AKT1S1: variants seen among roughly 807,000 people sequenced by gnomAD.
AKT1S1 encodes AKT1 substrate 1, also known as proline-rich AKT1 substrate 1.
Under a neutral mutation model 21.2 loss-of-function variants are expected in AKT1S1, and 17 were observed. That is an observed-to-expected ratio of 0.80 (90% confidence interval 0.55 to 1.20). The LOEUF (loss-of-function observed/expected upper bound fraction) is 1.20, where lower values mean the gene tolerates loss of function less well. Ranked by LOEUF, AKT1S1 falls within the 50% of genes most tolerant of loss-of-function variation. AKT1S1 has a pLI of 0.00. For synonymous variants in AKT1S1, 181 were observed against 165.6 expected, an observed-to-expected ratio of 1.09 and a Z score of -0.72; for missense variants, 366 against 368.3, an observed-to-expected ratio of 0.99 and a Z score of 0.05.
chr19:49,872,740 G>C (rs923879020), intron 2 of AKT1S1, among the ~76,000 whole-genome samples, 177 bp downstream of exon 2: 33 of 152,212 alleles, frequency 2.2e-4, no homozygotes, highest in African/African-American at 7.5e-4. Context: ...GCTCAGAGCA[G>C]GGAAGGGACT....
intron 4 of AKT1S1, 32 bp downstream of exon 4, chr19:49,871,515 G>GCCCTCCCTACCTC: frequency 6.2e-7 from 1 of 1,612,792 alleles, no homozygotes; most frequent in Non-Finnish European, 8.5e-7. Flanking sequence ...CCTTCCAGCT[G>GCCCTCCCTACCTC]CCCTCCCTAC....
chr19:49,874,721 TCCCCATTAA>T (rs1027757421), intron 1 of AKT1S1: 9 of 151,910 alleles, frequency 5.9e-5, no homozygotes, highest in African/African-American at 1.9e-4. Context: ...CTCATTTTCT[TCCCCATTAA>T]CCAGCGTGGT....
intron 4 of AKT1S1, among the ~76,000 whole-genome samples, chr19:49,870,321 C>T (rs1398733131): frequency 3.3e-5 from 5 of 152,230 alleles, no homozygotes; most frequent in African/African-American, 4.8e-5. Context: ...GACATTGCTT[C>T]CTACACAGTG....
chr19:49,877,926 C>A, upstream of AKT1S1: 2 of 775,596 alleles, frequency 2.6e-6, no homozygotes, highest in Non-Finnish European at 4.0e-6. Context: ...CATGGCCCCG[C>A]CCCCCCGGCT....
intron 1 of AKT1S1, chr19:49,876,793 T>G: frequency 2.8e-6 from 3 of 1,070,300 alleles, no homozygotes; most frequent in Non-Finnish European, 3.7e-6. Context: ...TGACGACAGC[T>G]TGCCCCTAAG....
chr19:49,876,082 C>A, intron 1 of AKT1S1: 2 of 986,188 alleles, frequency 2.0e-6, no homozygotes, highest in Non-Finnish European at 2.4e-6. Flanking sequence ...GTGGAACCAC[C>A]CCTCCTGTCG....
At position 49,869,848 on chromosome 19, in the gene AKT1S1, C is replaced by A; in HGVS notation, c.*69G>T. The A allele has an allele frequency of 7.3e-7, 1 of 1,362,838 alleles. No individual in the cohort carries two copies. The highest frequency in any genetic ancestry group is 1.7e-5 in the South Asian group (1 of 60,436). The allele number at this position is 1,362,838 out of a possible 1,614,324, so 84.4% of individuals were successfully genotyped here. On this transcript the variant is annotated 3_prime_UTR_variant, in exon 5 of 5. Coordinates refer to ENST00000344175, the MANE Select transcript of AKT1S1 (RefSeq NM_001098633.4). Reference sequence around the variant, plus strand: ...CCGGATCGGCCTCAGATTAGCAGGCCCCGGGAGTGGGGCGGGGGCGTAGTG... The same window carrying A: ...CCGGATCGGCCTCAGATTAGCAGGCACCGGGAGTGGGGCGGGGGCGTAGTG...
In AKT1S1 at chr19:49,869,814, A is replaced by C. The variant is rs2074861888; in HGVS notation, c.*103T>G. The stretch of plus-strand genomic sequence containing the variant: ...AATCTTGGGAATGGGAGACGCAAGG[A>C]GGCCGGTCCCGGATCGGCCTCAGAT... On this transcript the variant is annotated 3_prime_UTR_variant, in exon 5 of 5. Coordinates refer to ENST00000344175, the MANE Select transcript of AKT1S1 (RefSeq NM_001098633.4). 3.3e-6 allele frequency: 4 copies of C among 1,222,694 alleles called. No homozygotes were observed. The highest frequency in any genetic ancestry group is 4.3e-6 in the Non-Finnish European group (4 of 939,746). The allele number at this position is 1,222,694 out of a possible 1,614,324, so 75.7% of individuals were successfully genotyped here.
intron 4 of AKT1S1, among the ~76,000 whole-genome samples, 180 bp downstream of exon 4, chr19:49,871,367 G>A (rs1219128569): frequency 6.6e-6 from 1 of 152,214 alleles, no homozygotes; most frequent in Non-Finnish European, 1.5e-5. Context: ...TAGGACACAT[G>A]GTAAGGCTGC....
chr19:49,872,881 G>A (rs754378559), intron 2 of AKT1S1, 36 bp downstream of exon 2: 15 of 1,574,106 alleles, frequency 9.5e-6, no homozygotes, highest in African/African-American at 2.7e-5. Context: ...CACCTCAAGC[G>A]CTGGGCCGCA....
intron 1 of AKT1S1, chr19:49,876,486 C>A: frequency 7.9e-7 from 1 of 1,262,132 alleles, no homozygotes; most frequent in Non-Finnish European, 1.0e-6. Context: ...AGACCTCTGC[C>A]CTCTGATCTG....
chr19:49,871,782 G>A (rs371852538), intron 3 of AKT1S1, 30 bp downstream of exon 3: 3 of 1,611,360 alleles, frequency 1.9e-6, no homozygotes, highest in East Asian at 2.2e-5. Context: ...CTGCCCTCAG[G>A]TCGGGAGGGG....
chr19:49,871,129 C>G (rs576304163), intron 4 of AKT1S1, among the ~76,000 whole-genome samples: 15 of 152,152 alleles, frequency 9.9e-5, no homozygotes, highest in Non-Finnish European at 1.8e-4. Context: ...GAGCCCAGCC[C>G]AGGAGCTTCA....
Position 49,869,570 on chromosome 19 carries a change from G to A in AKT1S1, c.*347C>T, listed in dbSNP as rs142522815. The A allele has an allele frequency of 4.7e-6, 1 of 212,844 alleles. No individual in the cohort carries two copies. Among genetic ancestry groups the A allele is most frequent in the Non-Finnish European group, 9.3e-6 (1 of 107,542 alleles). 13.2% of individuals were successfully genotyped at this position (212,844 alleles called of 1,614,324 possible). ...AAGAGCTGTCCAGCGACTAGGGGAT[G>A]GAGCCAATGCCGTGCGAGCAAATCC... On this transcript the variant is annotated 3_prime_UTR_variant, in exon 5 of 5. Transcript: ENST00000344175.
Position 49,873,066 on chromosome 19 carries a change from G to C in AKT1S1, c.230C>G (p.Pro77Arg). Reference sequence around the variant, plus strand: ...CTGTGGTGCTGGTGGGGGCGCAGGAGGCCGAGCAGCAGTGGCAGCCCTGTG... The same window carrying C: ...CTGTGGTGCTGGTGGGGGCGCAGGACGCCGAGCAGCAGTGGCAGCCCTGTG... ...LAHRAATAAR[P>R]PAPPPAPQPP... Residue 77 changes from proline to arginine, a missense_variant, in exon 2 of 5, where the codon CCT (proline) becomes CGT (arginine). Coordinates refer to ENST00000344175, the MANE Select transcript of AKT1S1 (RefSeq NM_001098633.4). This position sits in a 1 kb window ranked among gnomAD's most constrained non-coding sequence, Gnocchi z 6.9. The C allele has an allele frequency of 6.4e-7, 1 of 1,554,884 alleles. No individual in the cohort carries two copies.
rs201260100 is a variant in AKT1S1, at chr19:49,872,900, T to C, written c.379+17A>G. 1.2e-4 allele frequency: 103 copies of C among 869,076 alleles called. No homozygotes were observed. The East Asian group carries it at 1.3e-3, about 11-fold the overall frequency. The allele number at this position is 869,076 out of a possible 1,614,324, so 53.8% of individuals were successfully genotyped here. On this transcript the variant is annotated intron_variant, in intron 2 of 4. Transcript: ENST00000344175. ...TCAAGCGCTGGGCCGCACCCGCCCC[T>C]GCCCCCACCCTCTCACCTCCATTAT...
In AKT1S1 at chr19:49,873,082, C is replaced by T; in HGVS notation, c.214G>A (p.Ala72Thr). The T allele has an allele frequency of 6.4e-7, 1 of 1,551,602 alleles. No individual in the cohort carries two copies. Among genetic ancestry groups the T allele is most frequent in the Non-Finnish European group, 8.7e-7 (1 of 1,150,268 alleles). The change falls in exon 2 of 5, where the codon GCC becomes ACC. Residue 72 changes from alanine to threonine, a missense_variant. By Grantham distance (58) the Ala-to-Thr change is moderately conservative. Transcript: ENST00000344175. The surrounding 1 kb of genome is among the most constrained non-coding windows in gnomAD (Gnocchi z 6.9). ...LHDIALAHRAATAARPPAPPP... is the reference protein window; with the variant it reads ...LHDIALAHRATTAARPPAPPP... ...GGCGCAGGAGGCCGAGCAGCAGTGG[C>T]AGCCCTGTGGGCCAGTGCGATGTCG...
rs981722289 is a variant in AKT1S1 at position 49,873,375 on chromosome 19, G to A, written c.-7-73C>T. On this transcript the variant is annotated intron_variant, in intron 1 of 4. Coordinates refer to ENST00000344175, the MANE Select transcript of AKT1S1 (RefSeq NM_001098633.4). This position sits in a 1 kb window ranked among gnomAD's most constrained non-coding sequence, Gnocchi z 6.9. The stretch of plus-strand genomic sequence containing the variant: ...TCATCGCCACCCACTCAGAGTGCCC[G>A]CCCGTCCCCTGGATGGCACTCACCA... 103 of 1,377,338 alleles carry A rather than the reference G, an allele frequency of 7.5e-5. No individual in the cohort carries two copies. Among genetic ancestry groups the A allele is most frequent in the Non-Finnish European group, 8.9e-5 (95 of 1,072,832 alleles). 85.3% of individuals were successfully genotyped at this position (1,377,338 alleles called of 1,614,324 possible). A position where few individuals can be genotyped will look rare whatever the true frequency, so the allele number is the denominator to read the frequency against.
At position 49,873,481 on chromosome 19, in the gene AKT1S1, C is replaced by T. The variant is rs375527119; in HGVS notation, c.-7-179G>A. On this transcript the variant is annotated intron_variant, in intron 1 of 4. Coordinates refer to ENST00000344175, the MANE Select transcript of AKT1S1 (RefSeq NM_001098633.4). This position sits in a 1 kb window ranked among gnomAD's most constrained non-coding sequence, Gnocchi z 6.9. ...CCCAGGATTCTCACCATCCAGTCCT[C>T]GCAGGCCCAGACCCTGGCGACGTCC... The T allele has an allele frequency of 1.4e-4, 165 of 1,199,356 alleles. No homozygotes were observed. In the South Asian group the frequency reaches 1.6e-3, roughly 12 times the overall value. The allele number at this position is 1,199,356 out of a possible 1,614,324, so 74.3% of individuals were successfully genotyped here.
Sources: gnomAD v4.1 joint callset for allele counts (sites outside exome capture counted in the v4.1 genomes callset) on GRCh38, gnomAD v4.1.1 for gene constraint, Gnocchi (gnomAD v3.1) non-coding constraint, MANE v1.5 for transcripts, NCBI Gene and HGNC (gene_info 2026-07-23, HGNC 2026-07-21) for gene names.